The following TXNDC16 variants were observed in gnomAD, a reference collection of about 807,000 sequenced individuals.
TXNDC16 encodes thioredoxin domain-containing protein 16.
Under a neutral mutation model 85.6 loss-of-function variants are expected in TXNDC16, and 74 were observed. That is an observed-to-expected ratio of 0.86 (90% CI 0.72 to 1.05). The LOEUF is 1.05. TXNDC16 is among the 50% of genes least tolerant of loss of function. The pLI is 0.00. For missense variants in TXNDC16, 959 were observed against 947.0 expected (o/e 1.01, Z -0.17); for synonymous variants, 335 against 326.5 (o/e 1.03, Z -0.28).
intron 7 of TXNDC16, 149 bp downstream of exon 7, chr14:52,519,023 C>T: frequency 1.4e-6 from 1 of 727,664 alleles, no homozygotes. Flanking sequence ...ATTACGCTGC[C>T]CATTTAAAGA....
At chr14:52,461,379 AATAAG>A (rs2035648694) in intron 16 of TXNDC16, among the ~76,000 whole-genome samples, 1 of 149,942 alleles carries the variant, frequency 6.7e-6, no homozygotes, top group African/African-American at 2.5e-5. Flanking sequence ...ATCATGTAAA[AATAAG>A]ATGTCAAAGT....
At chr14:52,530,269 TTATTATTTA>T (rs1566581935) in intron 6 of TXNDC16, among the ~76,000 whole-genome samples, 3 of 56,790 alleles carry the variant, frequency 5.3e-5, no homozygotes, top group Non-Finnish European at 8.2e-5. Context: ...ATAATATATA[TTATTATTTA>T]ATATATAATT....
intron 4 of TXNDC16, 60 bp downstream of exon 4, chr14:52,542,311 A>T: frequency 9.1e-7 from 1 of 1,101,256 alleles, no homozygotes; most frequent in Admixed American, 2.2e-5. Flanking sequence ...ATTCAATCTT[A>T]AGCCATAAAG....
rs1219425802 is a variant in TXNDC16 at position 52,530,275 on chromosome 14, T to TATAATAATATATA, written c.392+6443_392+6444insTATATATTATTAT. Among the ~76,000 whole-genome samples the TATAATAATATATA allele has an allele frequency of 4.7e-5, 3 of 63,160 alleles. No individual in the cohort carries two copies. In the East Asian group the frequency reaches 2.1e-3, roughly 44 times the overall value. The allele number at this position is 63,160 out of a possible 152,430, so 41.4% of individuals were successfully genotyped here. A position where few individuals can be genotyped will look rare whatever the true frequency, so the allele number is the denominator to read the frequency against. On this transcript the variant is annotated intron_variant, in intron 6 of 20. Transcript: ENST00000281741. ...ATATATTATATAATATATATTATTATTTAATATATAATTATTATATATAAT... is the reference window on the plus strand; with the variant it reads ...ATATATTATATAATATATATTATTATATAATAATATATATTAATATATAATTATTATATATAAT...
At chr14:52,486,803 A>G (rs1025606901) in intron 12 of TXNDC16, among the ~76,000 whole-genome samples, 1 of 152,184 alleles carries the variant, frequency 6.6e-6, no homozygotes, top group Non-Finnish European at 1.5e-5. Flanking sequence ...GAAATACTAG[A>G]AACAGGCTGG....
At position 52,506,852 on chromosome 14, in the gene TXNDC16, G is replaced by A. The variant is rs543501774; in HGVS notation, c.756+4388C>T. Among the ~76,000 whole-genome samples the A allele has an allele frequency of 2.3e-5, 3 of 132,350 alleles. 1 individual carries two copies. Among genetic ancestry groups the A allele is most frequent in the East Asian group, 5.0e-4 (2 of 3,990 alleles). The allele number at this position is 132,350 out of a possible 152,430, so 86.8% of individuals were successfully genotyped here. ...ATTACAGGCGTGAGCCACCGCACCCGGCCTTCAACAACCCTTCATGCTAAA... is the reference window on the plus strand; with the variant it reads ...ATTACAGGCGTGAGCCACCGCACCCAGCCTTCAACAACCCTTCATGCTAAA... On this transcript the variant is annotated intron_variant, in intron 9 of 20. Transcript: ENST00000281741.
chr14:52,488,585 C>G, intron 11 of TXNDC16, 99 bp from the exon 12 acceptor site: 1 of 986,886 alleles, frequency 1.0e-6, no homozygotes, highest in Admixed American at 2.8e-5. Context: ...CCTGTAATCC[C>G]AGCACTTTGG....
At position 52,530,344 on chromosome 14, in the gene TXNDC16, T is replaced by TATATA. The variant is rs1566582211; in HGVS notation, c.392+6374_392+6375insTATAT. 1.8e-3 allele frequency among the ~76,000 whole-genome samples: 87 copies of TATATA among 49,196 alleles called. 6 individuals carry two copies. In the East Asian group the frequency reaches 0.018, roughly 10 times the overall value. The allele number at this position is 49,196 out of a possible 152,430, so 32.3% of individuals were successfully genotyped here. A position where few individuals can be genotyped will look rare whatever the true frequency, so the allele number is the denominator to read the frequency against. Reference sequence around the variant, plus strand: ...ATTATTTTTATATTATATATAATTATATATTATAATATAATATATATTATT... The same window carrying TATATA: ...ATTATTTTTATATTATATATAATTATATATAATATTATAATATAATATATATTATT... On this transcript the variant is annotated intron_variant, in intron 6 of 20. Transcript: ENST00000281741.
intron 12 of TXNDC16, among the ~76,000 whole-genome samples, chr14:52,487,263 G>A (rs114206646): frequency 5.7e-4 from 87 of 152,166 alleles, no homozygotes; most frequent in African/African-American, 1.8e-3. Flanking sequence ...CCTGCATATC[G>A]GAAAAGAACC....
At chr14:52,531,126 T>A (rs932146986) in intron 6 of TXNDC16, among the ~76,000 whole-genome samples, 3 of 152,056 alleles carry the variant, frequency 2.0e-5, no homozygotes, top group African/African-American at 7.2e-5. Context: ...AACAAAGAGA[T>A]ACCACTATAT....
chr14:52,493,005 G>A (rs1044356881), intron 9 of TXNDC16, among the ~76,000 whole-genome samples: 10 of 152,082 alleles, frequency 6.6e-5, no homozygotes, highest in African/African-American at 2.4e-4. Context: ...GGTCAGGCAC[G>A]ATGGCTCACG....
At chr14:52,523,598 A>T (rs1213481934) in intron 6 of TXNDC16, among the ~76,000 whole-genome samples, 1 of 152,240 alleles carries the variant, frequency 6.6e-6, no homozygotes, top group Non-Finnish European at 1.5e-5. Flanking sequence ...AAAAAGAAAT[A>T]TCCCAAAGTC....
At chr14:52,490,498 T>G in intron 10 of TXNDC16, 47 bp from the exon 11 acceptor site, 7 of 1,393,710 alleles carry the variant, frequency 5.0e-6, no homozygotes, top group Non-Finnish European at 7.0e-6. Flanking sequence ...ATCTGAAGAA[T>G]AATAGTCACC....
At chr14:52,471,037 G>C (rs1566545417) in intron 14 of TXNDC16, among the ~76,000 whole-genome samples, 1 of 152,138 alleles carries the variant, frequency 6.6e-6, no homozygotes, top group African/African-American at 2.4e-5. Context: ...CAAACTCCTT[G>C]AAGTTCCAGA....
At position 52,440,697 on chromosome 14, in the gene TXNDC16, T is replaced by C. The variant is rs751852405; in HGVS notation, c.1870A>G (p.Ser624Gly). The C allele has an allele frequency of 1.2e-6, 2 of 1,606,698 alleles. No homozygotes were observed. Among genetic ancestry groups the C allele is most frequent in the Non-Finnish European group, 8.5e-7 (1 of 1,178,128 alleles). ...FPEITVENLP[S>G]YFRLQKPLLI... is the part of the protein sequence containing the mutation. ...AATGGTTTCTGAAGTCTGAAATAACTGGGAAGATTTTCCACAGTGATTTCC... is the reference window on the plus strand; with the variant it reads ...AATGGTTTCTGAAGTCTGAAATAACCGGGAAGATTTTCCACAGTGATTTCC... Residue 624 changes from serine (S) to glycine (G), a missense_variant, in exon 19 of 21, where the codon AGT becomes GGT. Ser to Gly is a moderately conservative substitution (Grantham distance 56). Transcript: ENST00000281741.
chr14:52,513,438 T>A lies in TXNDC16; in HGVS notation c.605+1442A>T, dbSNP rs530669952. Among the ~76,000 whole-genome samples, 9 of 152,242 alleles carry A rather than the reference T, an allele frequency of 5.9e-5. No individual in the cohort carries two copies. In the South Asian group the frequency reaches 1.9e-3, roughly 32 times the overall value. ...GAATCCATAGTCTTTCCCTGTCACC[T>A]CAGGTCCAGGGATGACTCATCACCA... On this transcript the variant is annotated intron_variant, in intron 8 of 20. Transcript: ENST00000281741.
intron 6 of TXNDC16, among the ~76,000 whole-genome samples, chr14:52,526,614 T>C (rs2037341247): frequency 6.6e-6 from 1 of 152,216 alleles, no homozygotes; most frequent in African/African-American, 2.4e-5. Context: ...ATATCTGTGA[T>C]ACTGTAAAAT....
At chr14:52,508,573 C>T (rs1369645773) in intron 9 of TXNDC16, among the ~76,000 whole-genome samples, 2 of 152,096 alleles carry the variant, frequency 1.3e-5, no homozygotes, top group Non-Finnish European at 2.9e-5. Flanking sequence ...TGGGTATATA[C>T]CCAGAGGATT....
chr14:52,460,388 C>T (rs2140120543), intron 16 of TXNDC16, among the ~76,000 whole-genome samples: 1 of 152,134 alleles, frequency 6.6e-6, no homozygotes, highest in East Asian at 1.9e-4. Flanking sequence ...TCCTATCAAA[C>T]TACCAATGAT....
Sources: allele counts gnomAD v4.1 joint callset (sites outside exome capture counted in the v4.1 genomes callset), GRCh38; gene constraint gnomAD v4.1.1; transcripts MANE v1.5; gene names NCBI Gene and HGNC (gene_info 2026-07-23, HGNC 2026-07-21).